Variants in NDST4 observed in about 807,000 individuals in gnomAD.
NDST4 encodes N-heparan sulfate sulfotransferase 4.
Under a neutral mutation model 100.8 loss-of-function variants are expected in NDST4, and 63 were observed. That is an observed-to-expected ratio of 0.62 (90% CI 0.51 to 0.77). NDST4 has a LOEUF of 0.77. NDST4 is among the 30% of genes least tolerant of loss of function. The pLI is 0.00. For missense variants in NDST4, 943 were observed against 1,018.4 expected (o/e 0.93, Z 1.01); for synonymous variants, 377 against 361.8 (o/e 1.04, Z -0.48).
At chr4:114,886,979 A>T (rs906761160) in intron 6 of NDST4, among the ~76,000 whole-genome samples, 1 of 152,172 alleles carries the variant, frequency 6.6e-6, no homozygotes, top group African/African-American at 2.4e-5. Flanking sequence ...GAATATGTGG[A>T]ATTATCTAGC....
intron 6 of NDST4, among the ~76,000 whole-genome samples, chr4:114,901,287 G>A (rs1724832724): frequency 6.6e-6 from 1 of 151,900 alleles, no homozygotes. Flanking sequence ...ATTTCTCTTT[G>A]AAGTTCTATC....
Position 115,076,901 on chromosome 4 carries a change from T to G in NDST4, c.136A>C (p.Thr46Pro), listed in dbSNP as rs1729198635. 1 of 1,613,648 alleles carries G rather than the reference T, an allele frequency of 6.2e-7. No individual in the cohort carries two copies. Among genetic ancestry groups the G allele is most frequent in the Admixed American group, 1.7e-5 (1 of 59,944 alleles). Residue 46 changes from threonine to proline, a missense_variant, in exon 2 of 14, where the codon ACC becomes CCC. By Grantham distance (38) the Thr-to-Pro change is conservative (BLOSUM62 -1). Around this residue, in one of 2 missense-constraint regions of NDST4, gnomAD observed 417 missense variants for 384.2 expected, o/e 1.09. Coordinates refer to ENST00000264363, the MANE Select transcript of NDST4 (RefSeq NM_022569.3). ...TCAGTGCATTCTGCTTCTGCAGTGG[T>G]TTCAATAAGTGTCATTTCCTGTTTG... ...GYKQEMTLIE[T>P]TAEAECTDIK...
intron 7 of NDST4, among the ~76,000 whole-genome samples, chr4:114,854,911 T>C (rs564361715): frequency 2.0e-4 from 30 of 152,354 alleles, no homozygotes; most frequent in Middle Eastern, 3.4e-3. Context: ...TGTCCAAGTG[T>C]TCCCTTTTCT....
Position 115,099,960 on chromosome 4 carries a change from G to A in NDST4, c.-247+13484C>T, listed in dbSNP as rs190272890. 3.9e-3 allele frequency among the ~76,000 whole-genome samples: 600 copies of A among 152,154 alleles called. 5 individuals are homozygous for A. Among genetic ancestry groups the A allele is most frequent in the African/African-American group, 0.013 (553 of 41,522 alleles). ...TAAATAAGCTTTGGTACATCTGTACGGTGAAATATCATTCAGCTCTAAAAA... is the reference window on the plus strand; with the variant it reads ...TAAATAAGCTTTGGTACATCTGTACAGTGAAATATCATTCAGCTCTAAAAA... On this transcript the variant is annotated intron_variant, in intron 1 of 13. Transcript: ENST00000264363.
intron 4 of NDST4, among the ~76,000 whole-genome samples, chr4:114,955,162 C>T (rs1726110233): frequency 6.6e-6 from 1 of 152,092 alleles, no homozygotes; most frequent in Non-Finnish European, 1.5e-5. Flanking sequence ...GAAACACTTC[C>T]AAATTCAAGA....
intron 6 of NDST4, among the ~76,000 whole-genome samples, chr4:114,927,862 G>C (rs1725417037): frequency 6.6e-6 from 1 of 152,104 alleles, no homozygotes; most frequent in Non-Finnish European, 1.5e-5. Flanking sequence ...TAACACTACT[G>C]ATCACCTCTT....
intron 2 of NDST4, among the ~76,000 whole-genome samples, chr4:114,981,139 TAG>T (rs1726760826): frequency 6.6e-6 from 1 of 151,856 alleles, no homozygotes; most frequent in Non-Finnish European, 1.5e-5. Context: ...AGGATCACTT[TAG>T]CCCAGGAGTT....
chr4:115,101,203 G>A (rs1729722120), intron 1 of NDST4, among the ~76,000 whole-genome samples: 1 of 152,034 alleles, frequency 6.6e-6, no homozygotes. Context: ...ACATAAAAAG[G>A]CAATTGCAAT....
chr4:114,998,744 T>C (rs2620407), intron 2 of NDST4, among the ~76,000 whole-genome samples: 52,093 of 151,850 alleles, frequency 0.34, 9,062 homozygotes, highest in Middle Eastern at 0.49. Flanking sequence ...GTGGTCTTGC[T>C]TCCATTTCCC....
At chr4:115,016,738 T>C (rs879434048) in intron 2 of NDST4, among the ~76,000 whole-genome samples, 1 of 152,022 alleles carries the variant, frequency 6.6e-6, no homozygotes, top group Non-Finnish European at 1.5e-5. Flanking sequence ...GCCCTGTGAT[T>C]ATCAATGGAA....
chr4:114,938,965 A>T (rs1725691220), intron 4 of NDST4, among the ~76,000 whole-genome samples: 2 of 152,212 alleles, frequency 1.3e-5, no homozygotes, highest in South Asian at 4.1e-4. Flanking sequence ...TCTGTGCAGA[A>T]GAAAAATACT....
chr4:115,007,400 A>G (rs567206153), intron 2 of NDST4, among the ~76,000 whole-genome samples: 1 of 152,336 alleles, frequency 6.6e-6, no homozygotes, highest in East Asian at 1.9e-4. Flanking sequence ...TGGCAAGAAC[A>G]CAGGCTATAC....
chr4:115,023,282 T>C (rs983486295), intron 2 of NDST4, among the ~76,000 whole-genome samples: 1 of 152,016 alleles, frequency 6.6e-6, no homozygotes, highest in Non-Finnish European at 1.5e-5. Flanking sequence ...GGTCCGGAGT[T>C]CGAGACCAGC....
chr4:115,013,751 C>T (rs1727612360), intron 2 of NDST4, among the ~76,000 whole-genome samples: 1 of 151,736 alleles, frequency 6.6e-6, no homozygotes, highest in Non-Finnish European at 1.5e-5. Context: ...TGATAGAATC[C>T]CTATATTGGT....
intron 2 of NDST4, among the ~76,000 whole-genome samples, chr4:115,059,550 T>C (rs1728774446): frequency 6.6e-6 from 1 of 152,068 alleles, no homozygotes; most frequent in Non-Finnish European, 1.5e-5. Flanking sequence ...ATCTCAAAGA[T>C]GTGAACAAAA....
At chr4:115,081,101 A>T (rs919467255) in intron 1 of NDST4, among the ~76,000 whole-genome samples, 4 of 151,364 alleles carry the variant, frequency 2.6e-5, no homozygotes, top group African/African-American at 7.3e-5. Flanking sequence ...AAATAAATTA[A>T]AAAAAAAACC....
chr4:115,004,502 G>T (rs971542404), intron 2 of NDST4, among the ~76,000 whole-genome samples: 1 of 152,100 alleles, frequency 6.6e-6, no homozygotes, highest in Non-Finnish European at 1.5e-5. Context: ...TATGTACAAC[G>T]AAGGCAATAG....
chr4:114,978,442 C>T (rs1726685900), intron 2 of NDST4, among the ~76,000 whole-genome samples: 1 of 151,940 alleles, frequency 6.6e-6, no homozygotes, highest in African/African-American at 2.4e-5. Flanking sequence ...TTATCCAAGA[C>T]CACAATTAGA....
chr4:114,955,616 T>C (rs1337064771), intron 4 of NDST4, among the ~76,000 whole-genome samples: 2 of 152,096 alleles, frequency 1.3e-5, no homozygotes, highest in Non-Finnish European at 2.9e-5. Flanking sequence ...GGATGCAGAG[T>C]TGTGCAATGG....
Sources: allele counts gnomAD v4.1 joint callset (sites outside exome capture counted in the v4.1 genomes callset), GRCh38; gene constraint gnomAD v4.1.1; regional missense constraint gnomAD v4.1.1; transcripts MANE v1.5; gene names NCBI Gene and HGNC (gene_info 2026-07-23, HGNC 2026-07-21).